Variants in MTHFD1 observed in about 807,000 individuals in gnomAD.
MTHFD1 encodes C-1-tetrahydrofolate synthase, cytoplasmic.
MTHFD1 carries 44 observed loss-of-function variants against 110.3 expected under a neutral mutation model. The observed-to-expected ratio is 0.40, with a 90% confidence interval of 0.31 to 0.51. MTHFD1 has a LOEUF of 0.51. Ranked by LOEUF, MTHFD1 falls within the 20% of genes least tolerant of loss-of-function variation. The probability of loss-of-function intolerance (pLI) is 0.60; values close to 1 mark genes in which losing one functional copy is unlikely to be tolerated. For synonymous variants in MTHFD1, 402 were observed against 428.8 expected (o/e 0.94, Z 0.77); for missense variants, 909 against 1,173.1 (o/e 0.77, Z 3.29).
Position 64,388,384 on chromosome 14 carries a change from C to T in MTHFD1, c.-44C>T. 1 of 1,614,174 alleles carries T rather than the reference C, an allele frequency of 6.2e-7. No individual in the cohort carries two copies. The highest frequency in any genetic ancestry group is 1.1e-5 in the South Asian group (1 of 91,086). Reference sequence around the variant, plus strand: ...CTTGGCTGCGGAGGGAGTGGAACCTCGATATTGGTGGTGTCCATCGTGGGC... The same window carrying T: ...CTTGGCTGCGGAGGGAGTGGAACCTTGATATTGGTGGTGTCCATCGTGGGC... On this transcript the variant is annotated 5_prime_UTR_variant, in exon 1 of 28. Coordinates refer to ENST00000652337, the MANE Select transcript of MTHFD1 (RefSeq NM_005956.4).
intron 2 of MTHFD1, among the ~76,000 whole-genome samples, chr14:64,402,931 A>T (rs1367399517): frequency 6.6e-6 from 1 of 152,172 alleles, no homozygotes; most frequent in African/African-American, 2.4e-5. Context: ...GACTATTAAA[A>T]ACACATGCAC....
intron 11 of MTHFD1, 86 bp from the exon 12 acceptor site, chr14:64,427,251 A>G: frequency 6.8e-7 from 1 of 1,467,660 alleles, no homozygotes; most frequent in Non-Finnish European, 9.5e-7. Context: ...ATTACGAGTC[A>G]TTCTCTAGGA....
intron 1 of MTHFD1, among the ~76,000 whole-genome samples, chr14:64,392,460 A>G (rs1355939421): frequency 6.6e-6 from 1 of 152,170 alleles, no homozygotes; most frequent in East Asian, 1.9e-4. Flanking sequence ...TTAGTTTGCT[A>G]TAATTAAGCC....
chr14:64,445,048 G>A (rs2078279755), intron 22 of MTHFD1: 3 of 395,742 alleles, frequency 7.6e-6, no homozygotes, highest in Non-Finnish European at 1.4e-5. Context: ...ACAACTGGAG[G>A]TGGGGAGTGC....
chr14:64,406,385 CTG>C (rs2077935774), intron 2 of MTHFD1, among the ~76,000 whole-genome samples: 1 of 151,734 alleles, frequency 6.6e-6, no homozygotes, highest in African/African-American at 2.4e-5. Flanking sequence ...GCACTTTTAA[CTG>C]TGTTTTGACT....
intron 6 of MTHFD1, among the ~76,000 whole-genome samples, chr14:64,416,133 T>C (rs1035610385): frequency 2.0e-5 from 3 of 152,054 alleles, no homozygotes; most frequent in Admixed American, 1.3e-4. Context: ...TATTCCCAGC[T>C]ATTCGGGAGG....
intron 1 of MTHFD1, among the ~76,000 whole-genome samples, chr14:64,399,656 CAAAAAAAAA>C (rs34735594): frequency 1.2e-4 from 14 of 113,170 alleles, no homozygotes; most frequent in African/African-American, 3.4e-4. Flanking sequence ...GTCCCCATCT[CAAAAAAAAA>C]AAAAAAAAAA....
At chr14:64,411,847 G>A (rs1179541920) in intron 3 of MTHFD1, among the ~76,000 whole-genome samples, 1 of 152,108 alleles carries the variant, frequency 6.6e-6, no homozygotes, top group Non-Finnish European at 1.5e-5. Flanking sequence ...GTTGTGGTGA[G>A]CCAAGATAGT....
rs1365573174 is a variant in MTHFD1 at position 64,449,660 on chromosome 14, G to T, written c.2457+38G>T. ...CTGTCTGCAAAAAAAGAAAAAAGAC[G>T]AAAAGGGCACAGTGAAGTTTCTGTG... On this transcript the variant is annotated intron_variant, in intron 24 of 27. Coordinates refer to ENST00000652337, the MANE Select transcript of MTHFD1 (RefSeq NM_005956.4). The T allele has an allele frequency of 1.9e-6, 3 of 1,607,704 alleles. No homozygotes were observed. The East Asian group carries it at 6.7e-5, about 36-fold the overall frequency.
chr14:64,430,057 A>G, intron 12 of MTHFD1, 127 bp from the exon 13 acceptor site: 3 of 891,476 alleles, frequency 3.4e-6, no homozygotes, highest in Non-Finnish European at 3.7e-6. Context: ...AAAACTGTCC[A>G]AATGATTCTA....
chr14:64,400,346 C>G (rs987482308), intron 1 of MTHFD1, among the ~76,000 whole-genome samples: 6 of 150,562 alleles, frequency 4.0e-5, no homozygotes, highest in Non-Finnish European at 8.8e-5. Context: ...TGAGATCGCA[C>G]CATTGCACTC....
Position 64,417,805 on chromosome 14 carries a change from A to G in MTHFD1, c.479-83A>G. On this transcript the variant is annotated intron_variant, in intron 6 of 27. Transcript: ENST00000652337. The surrounding 1 kb of genome is among the most constrained non-coding windows in gnomAD (Gnocchi z 4.4). ...TGATGTTAAGAACCTGTTTTTGTGC[A>G]CTTATTCTAATTTCTCCACGTGGCA... 4 of 1,561,914 alleles carry G rather than the reference A, an allele frequency of 2.6e-6. No homozygotes were observed. The highest frequency in any genetic ancestry group is 3.5e-6 in the Non-Finnish European group (4 of 1,136,640).
intron 22 of MTHFD1, chr14:64,445,123 C>CCCTACAACATTATCCAGCT: frequency 3.0e-6 from 1 of 333,696 alleles, no homozygotes; most frequent in South Asian, 2.5e-5. Flanking sequence ...ACAGGACAGC[C>CCCTACAACATTATCCAGCT]CCTACAACAT....
At chr14:64,397,186 TATATA>T (rs1436769433) in intron 1 of MTHFD1, among the ~76,000 whole-genome samples, 282 of 10,058 alleles carry the variant, frequency 0.028, 14 homozygotes, top group African/African-American at 0.059. Flanking sequence ...TATATATATA[TATATA>T]AAAAACAGTA....
chr14:64,438,449 A>G (rs1397199436), intron 16 of MTHFD1, among the ~76,000 whole-genome samples: 3 of 152,200 alleles, frequency 2.0e-5, no homozygotes, highest in Non-Finnish European at 4.4e-5. Context: ...ATTTCCTATT[A>G]CACTACACAT....
At chr14:64,431,974 T>C (rs60063929) in intron 15 of MTHFD1, 113 bp downstream of exon 15, 29,430 of 876,100 alleles carry the variant, frequency 0.034, 1,029 homozygotes, top group African/African-American at 0.15. Flanking sequence ...GTTACATCAG[T>C]AATCATAGTC....
At chr14:64,406,885 G>A (rs1369915154) in intron 2 of MTHFD1, among the ~76,000 whole-genome samples, 1 of 152,160 alleles carries the variant, frequency 6.6e-6, no homozygotes, top group Non-Finnish European at 1.5e-5. Context: ...TGTAGGAGAT[G>A]TCCCCTTATA....
chr14:64,446,788 C>T (rs924068059), intron 22 of MTHFD1, among the ~76,000 whole-genome samples: 5 of 152,044 alleles, frequency 3.3e-5, no homozygotes, highest in Non-Finnish European at 5.9e-5. Flanking sequence ...GTGTTCCACC[C>T]GCCTCGGCCT....
At position 64,415,688 on chromosome 14, in the gene MTHFD1, T is replaced by C. The variant is rs967681060; in HGVS notation, c.427T>C (p.Cys143Arg). The change falls in exon 6 of 28, where the codon TGT (cysteine) becomes CGT (arginine). Residue 143 changes from cysteine (C) to arginine (R), a missense_variant. Coordinates refer to ENST00000652337, the MANE Select transcript of MTHFD1 (RefSeq NM_005956.4). Reference protein sequence around the residue: ...GKLARGDLNDCFIPCTPKGCL... With the variant: ...GKLARGDLNDRFIPCTPKGCL... Reference sequence around the variant, plus strand: ...ACTTGCTAGAGGTGACCTCAATGACTGTTTCATTCCTTGTACGCCTAAGGG... The same window carrying C: ...ACTTGCTAGAGGTGACCTCAATGACCGTTTCATTCCTTGTACGCCTAAGGG... The C allele has an allele frequency of 1.2e-6, 2 of 1,614,024 alleles. No homozygotes were observed. Among genetic ancestry groups the C allele is most frequent in the South Asian group, 2.2e-5 (2 of 91,080 alleles).
Sources: gnomAD v4.1 joint callset for allele counts (sites outside exome capture counted in the v4.1 genomes callset) on GRCh38, gnomAD v4.1.1 for gene constraint, Gnocchi (gnomAD v3.1) non-coding constraint, MANE v1.5 for transcripts, NCBI Gene and HGNC (gene_info 2026-07-23, HGNC 2026-07-21) for gene names.